The following KIAA0586 variants were observed in gnomAD, a reference collection of about 807,000 sequenced individuals.
KIAA0586 encodes protein TALPID3.
Under a neutral mutation model 169.8 loss-of-function variants are expected in KIAA0586, and 144 were observed. The observed-to-expected ratio is 0.85, with a 90% CI of 0.74 to 0.97. The LOEUF (loss-of-function observed/expected upper bound fraction) is 0.97. Among genes scored for constraint, KIAA0586 ranks in the 50% least tolerant of loss-of-function variants. The pLI is 0.00. For missense variants in KIAA0586, 1,854 were observed against 1,823.0 expected, an observed-to-expected ratio of 1.02 and a Z score of -0.31; for synonymous variants, 625 against 612.4, an observed-to-expected ratio of 1.02 and a Z score of -0.30.
Position 58,444,011 on chromosome 14 carries a change from C to G in KIAA0586, c.643C>G (p.Gln215Glu), listed in dbSNP as rs201097695. Residue 215 changes from glutamine (Q) to glutamate (E), a missense_variant, in exon 6 of 31, where the codon CAG becomes GAG. Transcript: ENST00000652326. ...TGTTACAGAATTACTTAGTAAATTACAGGAGACTGATAAACACCTGCAACG... is the reference window on the plus strand; with the variant it reads ...TGTTACAGAATTACTTAGTAAATTAGAGGAGACTGATAAACACCTGCAACG... ...NSVTELLSKL[Q>E]ETDKHLQRVT... The G allele has an allele frequency of 1.2e-6, 2 of 1,611,890 alleles. No homozygotes were observed. The highest frequency in any genetic ancestry group is 1.7e-6 in the Non-Finnish European group (2 of 1,178,768).
Position 58,530,615 on chromosome 14 carries a change from G to A in KIAA0586, c.4430-9456G>A, listed in dbSNP as rs184038876. Among the ~76,000 whole-genome samples, 501 of 152,260 alleles carry A rather than the reference G, an allele frequency of 3.3e-3. 6 individuals carry two copies. The highest frequency in any genetic ancestry group is 0.012 in the African/African-American group (480 of 41,544). ...GAAAGGATTCCCTATTTAATAAATGGTGGTGGGAAAACTGGCTAGCCATAT... is the reference window on the plus strand; with the variant it reads ...GAAAGGATTCCCTATTTAATAAATGATGGTGGGAAAACTGGCTAGCCATAT... On this transcript the variant is annotated intron_variant, in intron 29 of 30. Transcript: ENST00000652326.
chr14:58,542,789 T>C (rs960496146), intron 30 of KIAA0586, among the ~76,000 whole-genome samples: 1 of 152,170 alleles, frequency 6.6e-6, no homozygotes, highest in African/African-American at 2.4e-5. Flanking sequence ...GTGTGCTTTC[T>C]ATGTTCCAGC....
chr14:58,453,212 C>T (rs2039547583), intron 8 of KIAA0586, 138 bp from the exon 9 acceptor site: 9 of 445,746 alleles, frequency 2.0e-5, no homozygotes, highest in Middle Eastern at 6.6e-4. Flanking sequence ...AGCCACTGCG[C>T]CTGGCTTTTA....
intron 8 of KIAA0586, among the ~76,000 whole-genome samples, chr14:58,451,816 T>TG (rs1351137028): frequency 3.3e-5 from 5 of 152,078 alleles, no homozygotes; most frequent in African/African-American, 1.2e-4. Context: ...CCCGAGTAGC[T>TG]GGGACTACAG....
intron 19 of KIAA0586, 151 bp from the exon 20 acceptor site, chr14:58,476,972 C>T: frequency 7.4e-6 from 4 of 541,174 alleles, no homozygotes; most frequent in Non-Finnish European, 9.9e-6. Context: ...TATTTTTTTT[C>T]TTCTAGATTT....
intron 5 of KIAA0586, 101 bp from the exon 6 acceptor site, chr14:58,443,853 T>A: frequency 2.8e-6 from 2 of 705,362 alleles, no homozygotes; most frequent in Non-Finnish European, 2.4e-6. Flanking sequence ...TCAAATTAGA[T>A]CACTTATCAA....
intron 29 of KIAA0586, among the ~76,000 whole-genome samples, chr14:58,533,027 A>G (rs1356448067): frequency 2.0e-5 from 3 of 152,232 alleles, no homozygotes; most frequent in African/African-American, 7.2e-5. Context: ...TATGGAAAAC[A>G]GGAGCACTTT....
At chr14:58,441,014 T>A (rs184320561) in intron 4 of KIAA0586, 10 of 182,230 alleles carry the variant, frequency 5.5e-5, no homozygotes, top group African/African-American at 2.3e-4. Flanking sequence ...CATAAAAAGA[T>A]AATTATGTGA....
rs1388986088 is a variant in KIAA0586, at chr14:58,441,105, CA to C, written c.411-1599del. On this transcript the variant is annotated intron_variant, in intron 4 of 30. Transcript: ENST00000652326. ...CAAAATATCACACTGTAAATATATA[CA>C]ATTTTTTTTCAATTATACCTCAGTA... 3 of 79,450 alleles carry C rather than the reference CA, an allele frequency of 3.8e-5. No homozygotes were observed. The African/African-American group carries it at 4.2e-4, about 11-fold the overall frequency. The allele number at this position is 79,450 out of a possible 1,614,324, so 4.9% of individuals were successfully genotyped here.
At chr14:58,473,619 C>T (rs1748991) in intron 18 of KIAA0586, among the ~76,000 whole-genome samples, 149,985 of 152,312 alleles carry the variant, frequency 0.98, 73,885 homozygotes, top group East Asian at 1. Flanking sequence ...AGAAAAGAGA[C>T]TTAAGGCCAG....
intron 18 of KIAA0586, among the ~76,000 whole-genome samples, chr14:58,472,519 A>G (rs566551911): frequency 1.1e-4 from 16 of 140,760 alleles, no homozygotes; most frequent in African/African-American, 3.5e-4. Context: ...GATTTTGTCT[A>G]TCTGTTTCCT....
chr14:58,478,434 G>A (rs546135800), intron 20 of KIAA0586, among the ~76,000 whole-genome samples: 29 of 152,332 alleles, frequency 1.9e-4, no homozygotes, highest in Middle Eastern at 3.4e-3. Flanking sequence ...AGTGAGCCAA[G>A]GTCACGTCAC....
intron 15 of KIAA0586, among the ~76,000 whole-genome samples, chr14:58,467,195 G>A (rs1196380823): frequency 6.6e-6 from 1 of 152,192 alleles, no homozygotes; most frequent in African/African-American, 2.4e-5. Context: ...GCCCGGTACA[G>A]TTCTGAGCAC....
At chr14:58,453,301 A>G (rs1294507092) in intron 8 of KIAA0586, 49 bp from the exon 9 acceptor site, 2 of 1,004,912 alleles carry the variant, frequency 2.0e-6, no homozygotes, top group Non-Finnish European at 1.4e-6. Context: ...TATATACAAG[A>G]GAAATGAATT....
chr14:58,542,942 C>T (rs569629104), intron 30 of KIAA0586, among the ~76,000 whole-genome samples: 1 of 151,000 alleles, frequency 6.6e-6, no homozygotes, highest in South Asian at 2.1e-4. Flanking sequence ...GAGATTGAGA[C>T]CATGGTGAAA....
chr14:58,479,624 A>G (rs931035259), intron 20 of KIAA0586, among the ~76,000 whole-genome samples: 6 of 151,938 alleles, frequency 3.9e-5, no homozygotes, highest in Admixed American at 6.5e-5. Context: ...ATAGTTTCCT[A>G]TGTTTTCTTC....
chr14:58,493,678 A>G (rs998588269), intron 26 of KIAA0586, among the ~76,000 whole-genome samples: 1 of 152,254 alleles, frequency 6.6e-6, no homozygotes, highest in South Asian at 2.1e-4. Context: ...TGAATTTAAA[A>G]TAATTAAATT....
intron 27 of KIAA0586, among the ~76,000 whole-genome samples, chr14:58,500,357 C>T (rs559336048): frequency 3.3e-5 from 5 of 152,192 alleles, no homozygotes; most frequent in South Asian, 2.1e-4. Flanking sequence ...CTGAAGGAAG[C>T]CTATCTAACA....
intron 21 of KIAA0586, among the ~76,000 whole-genome samples, chr14:58,484,892 A>ATATATATATATTTTTATATATATTTT (rs1555391470): frequency 1.4e-4 from 1 of 7,122 alleles, no homozygotes. Flanking sequence ...ATATATATTT[A>ATATATATATATTTTTATATATATTTT]TATATATATA....
Sources: gnomAD v4.1 joint callset for allele counts (sites outside exome capture counted in the v4.1 genomes callset) on GRCh38, gnomAD v4.1.1 for gene constraint, MANE v1.5 for transcripts, NCBI Gene and HGNC (gene_info 2026-07-23, HGNC 2026-07-21) for gene names.